CFI: variants seen among roughly 807,000 people sequenced by gnomAD.
CFI encodes complement factor I.
In CFI, 66 loss-of-function variants were observed where a neutral mutation model predicts 78.8. The observed-to-expected ratio is 0.84, with a 90% CI of 0.69 to 1.03. CFI has a LOEUF of 1.03. CFI is among the 50% of genes least tolerant of loss of function. CFI has a pLI of 0.00. For missense variants in CFI, 706 were observed against 704.5 expected, an observed-to-expected ratio of 1.00 and a Z score of -0.02; for synonymous variants, 250 against 232.6, an observed-to-expected ratio of 1.07 and a Z score of -0.68.
chr4:109,770,214 C>T (rs1426750361), intron 1 of CFI, among the ~76,000 whole-genome samples: 1 of 152,132 alleles, frequency 6.6e-6, no homozygotes, highest in Non-Finnish European at 1.5e-5. Context: ...TGGGAAACCA[C>T]ACATTGGTGA....
intron 1 of CFI, among the ~76,000 whole-genome samples, chr4:109,777,155 C>T (rs112682751): frequency 1.3e-5 from 2 of 152,082 alleles, no homozygotes; most frequent in East Asian, 1.9e-4. Flanking sequence ...GCTAAATGCT[C>T]GAATTAAAAG....
At chr4:109,780,059 C>A (rs1729802786) in intron 1 of CFI, among the ~76,000 whole-genome samples, 1 of 152,122 alleles carries the variant, frequency 6.6e-6, no homozygotes, top group South Asian at 2.1e-4. Context: ...AAAACGCAGG[C>A]AACACCATTC....
chr4:109,798,494 T>C (rs759674979), intron 1 of CFI, among the ~76,000 whole-genome samples: 4 of 124,858 alleles, frequency 3.2e-5, no homozygotes, highest in Admixed American at 9.6e-5. Context: ...ATGTCAATCA[T>C]AACTCAATAA....
chr4:109,798,562 TG>T (rs1353210323), intron 1 of CFI, among the ~76,000 whole-genome samples: 1 of 152,110 alleles, frequency 6.6e-6, no homozygotes, highest in Non-Finnish European at 1.5e-5. Context: ...CCAAAGTTTG[TG>T]GTTCTTCTGG....
the CFI span, among the ~76,000 whole-genome samples, chr4:109,733,950 G>A: frequency 5.5e-3 from 835 of 152,140 alleles, 12 homozygotes; most frequent in African/African-American, 0.019. Flanking sequence ...CTGGCAGATC[G>A]CCTGAGTCCA....
chr4:109,771,584 T>C (rs1295242596), intron 1 of CFI, among the ~76,000 whole-genome samples: 5 of 149,936 alleles, frequency 3.3e-5, no homozygotes, highest in African/African-American at 9.8e-5. Context: ...CGTAGTGGTG[T>C]GTGCCTGTAA....
chr4:109,773,242 C>T (rs530470732), intron 1 of CFI, among the ~76,000 whole-genome samples: 1 of 152,244 alleles, frequency 6.6e-6, no homozygotes, highest in Non-Finnish European at 1.5e-5. Flanking sequence ...AAAACATAAA[C>T]TTTTGCCAGG....
At chr4:109,754,018 C>G (rs534919615) in intron 7 of CFI, among the ~76,000 whole-genome samples, 2 of 150,346 alleles carry the variant, frequency 1.3e-5, no homozygotes, top group South Asian at 2.1e-4. Context: ...GAGTCTCACT[C>G]TGTTGCCCAG....
At chr4:109,749,459 T>C (rs1724872164) in intron 9 of CFI, 40 bp downstream of exon 9, 4 of 1,550,934 alleles carry the variant, frequency 2.6e-6, no homozygotes, top group Non-Finnish European at 3.6e-6. Flanking sequence ...ATTTAGGCTG[T>C]TTCTGGGCAG....
At chr4:109,796,708 G>C (rs779478494) in intron 1 of CFI, among the ~76,000 whole-genome samples, 5 of 152,322 alleles carry the variant, frequency 3.3e-5, no homozygotes, top group Non-Finnish European at 2.9e-5. Context: ...TGGGGTAGGA[G>C]GGTAGCTTGA....
At chr4:109,731,337 G>A in the CFI span, among the ~76,000 whole-genome samples, 2 of 152,050 alleles carry the variant, frequency 1.3e-5, no homozygotes, top group South Asian at 4.2e-4. Context: ...GGCACAGAGC[G>A]AGACTCTAAA....
chr4:109,754,109 G>T (rs368198857), intron 7 of CFI, among the ~76,000 whole-genome samples: 5 of 151,402 alleles, frequency 3.3e-5, no homozygotes, highest in African/African-American at 1.2e-4. Flanking sequence ...TCAGCCTCCC[G>T]AGTAGCTGGG....
intron 1 of CFI, among the ~76,000 whole-genome samples, chr4:109,772,009 G>T (rs1728667061): frequency 6.6e-6 from 1 of 152,188 alleles, no homozygotes; most frequent in South Asian, 2.1e-4. Context: ...AAATTAAGCA[G>T]TTTGCTATAC....
At chr4:109,799,193 T>C (rs1431133188) in intron 1 of CFI, among the ~76,000 whole-genome samples, 1 of 152,182 alleles carries the variant, frequency 6.6e-6, no homozygotes, top group Non-Finnish European at 1.5e-5. Context: ...TTTTTCCCCA[T>C]GCTTTGGTGC....
intron 1 of CFI, among the ~76,000 whole-genome samples, chr4:109,770,294 T>A (rs2126230789): frequency 6.6e-6 from 1 of 152,298 alleles, no homozygotes; most frequent in Non-Finnish European, 1.5e-5. Flanking sequence ...GCACAGTGGC[T>A]CACGCCTGTA....
intron 1 of CFI, among the ~76,000 whole-genome samples, chr4:109,767,788 A>G (rs530608355): frequency 4.6e-5 from 7 of 152,156 alleles, no homozygotes; most frequent in African/African-American, 1.7e-4. Flanking sequence ...CTGGGCATAT[A>G]CCCAAAGGAT....
chr4:109,734,096 C>T, the CFI span, among the ~76,000 whole-genome samples: 564 of 152,108 alleles, frequency 3.7e-3, 7 homozygotes, highest in East Asian at 0.014. Context: ...CCTTTGAGTC[C>T]GGAATGCAGA....
At chr4:109,742,839 C>T (rs573507281) in intron 11 of CFI, among the ~76,000 whole-genome samples, 1 of 152,194 alleles carries the variant, frequency 6.6e-6, no homozygotes, top group Admixed American at 6.5e-5. Flanking sequence ...AGAGCTGGTA[C>T]CTTAAGTTGA....
Position 109,740,910 on chromosome 4 carries a change from A to G in CFI, c.1735T>C (p.Ser579Pro), listed in dbSNP as rs1247064439. 6.2e-7 allele frequency: 1 copy of G among 1,614,008 alleles called. No homozygotes were observed. The highest frequency in any genetic ancestry group is 8.5e-7 in the Non-Finnish European group (1 of 1,179,866). The stretch of plus-strand genomic sequence containing the variant: ...TCACAATTTTATACATTGTACTGAG[A>G]AATAAAAGGCCTTCCTACATGGTAG... ...ISYHVGRPFI[S>P]QYNV The change falls in exon 13 of 13, where the codon TCT (serine) becomes CCT (proline). Residue 579 changes from serine to proline, a missense_variant. By Grantham distance (74) the Ser-to-Pro change is moderately conservative. Coordinates refer to ENST00000394634, the MANE Select transcript of CFI (RefSeq NM_000204.5).
Sources: gnomAD v4.1 joint callset for allele counts (sites outside exome capture counted in the v4.1 genomes callset) on GRCh38, gnomAD v4.1.1 for gene constraint, MANE v1.5 for transcripts, NCBI Gene and HGNC (gene_info 2026-07-23, HGNC 2026-07-21) for gene names.